The following ITPR1 variants were observed in gnomAD, a reference collection of about 807,000 sequenced individuals.
The protein encoded by ITPR1 is inositol 1,4,5-trisphosphate-gated calcium channel ITPR1.
Under a neutral mutation model 318.4 loss-of-function variants are expected in ITPR1, and 96 were observed. That is an observed-to-expected ratio of 0.30 (90% CI 0.26 to 0.36). The LOEUF (loss-of-function observed/expected upper bound fraction) is 0.36. Among genes scored for constraint, ITPR1 ranks in the 10% least tolerant of loss-of-function variants. The pLI, the probability that ITPR1 is intolerant of heterozygous loss-of-function variation, is 1.00. For missense variants in ITPR1, 2,440 were observed against 3,460.2 expected (o/e 0.71, Z 7.40); for synonymous variants, 1,312 against 1,289.9 (o/e 1.02, Z -0.37).
chr3:4,573,412 T>A lies in ITPR1; in HGVS notation c.163+52318T>A, dbSNP rs149059075. ...CTTGTCTGGACTATGATACTAGTCT[T>A]CTCACTGGTCTCCTGGTCTCAATCC... On this transcript the variant is annotated intron_variant, in intron 4 of 61. Transcript: ENST00000649015. Among the ~76,000 whole-genome samples, 832 of 152,298 alleles carry A rather than the reference T, an allele frequency of 5.5e-3. 8 individuals are homozygous for A. The highest frequency in any genetic ancestry group is 0.019 in the African/African-American group (791 of 41,554).
At chr3:4,771,492 TC>T (rs563878960) in intron 46 of ITPR1, among the ~76,000 whole-genome samples, 1 of 152,208 alleles carries the variant, frequency 6.6e-6, no homozygotes, top group South Asian at 2.1e-4. Flanking sequence ...CACACCCACT[TC>T]CTTCCACTGT....
chr3:4,593,275 A>G (rs990340227), intron 4 of ITPR1, among the ~76,000 whole-genome samples: 1 of 152,182 alleles, frequency 6.6e-6, no homozygotes, highest in Non-Finnish European at 1.5e-5. Flanking sequence ...AGTTTCGTGA[A>G]CTTAGACATG....
chr3:4,786,569 C>G (rs1020064867), intron 51 of ITPR1, among the ~76,000 whole-genome samples: 1 of 152,228 alleles, frequency 6.6e-6, no homozygotes, highest in African/African-American at 2.4e-5. Flanking sequence ...CTTCTCCAAC[C>G]TCTGAGGAGG....
chr3:4,803,134 G>T (rs774570656), intron 54 of ITPR1, among the ~76,000 whole-genome samples: 1 of 152,200 alleles, frequency 6.6e-6, no homozygotes, highest in Non-Finnish European at 1.5e-5. Context: ...AGGAGGAAGC[G>T]GATGGGGAGG....
chr3:4,620,632 G>A (rs2092590250), intron 4 of ITPR1, among the ~76,000 whole-genome samples: 1 of 149,274 alleles, frequency 6.7e-6, no homozygotes, highest in Non-Finnish European at 1.5e-5. Flanking sequence ...ATTGATTTGG[G>A]TTTTGTAGAA....
At chr3:4,576,640 G>A (rs757679126) in intron 4 of ITPR1, among the ~76,000 whole-genome samples, 3 of 152,204 alleles carry the variant, frequency 2.0e-5, no homozygotes, top group South Asian at 2.1e-4. Context: ...ATGGCAAAAC[G>A]GGTCATGGCA....
At position 4,840,123 on chromosome 3, in the gene ITPR1, C is replaced by T. The variant is rs181109643; in HGVS notation, c.8190+3188C>T. Among the ~76,000 whole-genome samples the T allele has an allele frequency of 1.3e-3, 186 of 138,124 alleles. 1 individual carries two copies. The highest frequency in any genetic ancestry group is 4.8e-3 in the African/African-American group (177 of 36,620). The allele number at this position is 138,124 out of a possible 152,430, so 90.6% of individuals were successfully genotyped here. On this transcript the variant is annotated intron_variant, in intron 61 of 61. Transcript: ENST00000649015. ...TCAGTGTTTTCTTTTGATTATGTAACGTCCTACAAACCTTTAATGCATTTG... is the reference window on the plus strand; with the variant it reads ...TCAGTGTTTTCTTTTGATTATGTAATGTCCTACAAACCTTTAATGCATTTG...
intron 4 of ITPR1, among the ~76,000 whole-genome samples, chr3:4,527,213 G>A (rs2083054453): frequency 6.6e-6 from 1 of 152,194 alleles, no homozygotes; most frequent in African/African-American, 2.4e-5. Flanking sequence ...GTCTCACTCT[G>A]TTGCCCAGGC....
chr3:4,664,753 C>G (rs1176214843), intron 16 of ITPR1, among the ~76,000 whole-genome samples: 1 of 152,224 alleles, frequency 6.6e-6, no homozygotes, highest in Non-Finnish European at 1.5e-5. Flanking sequence ...CCTTACTACA[C>G]CTCTGTGATA....
chr3:4,764,288 T>G (rs1021894876), intron 44 of ITPR1, among the ~76,000 whole-genome samples: 4 of 152,242 alleles, frequency 2.6e-5, no homozygotes, highest in Admixed American at 6.5e-5. Flanking sequence ...TTTTGGAGAT[T>G]TATTTCTGTC....
intron 10 of ITPR1, among the ~76,000 whole-genome samples, chr3:4,649,739 G>T (rs1035334402): frequency 6.6e-6 from 1 of 152,188 alleles, no homozygotes. Flanking sequence ...AGTTCTGGAG[G>T]CTGGAAATCT....
chr3:4,512,307 G>A (rs1299524097), intron 2 of ITPR1, among the ~76,000 whole-genome samples: 1 of 152,128 alleles, frequency 6.6e-6, no homozygotes, highest in East Asian at 1.9e-4. Flanking sequence ...ACAAAGAATA[G>A]GCTCTATTGC....
At chr3:4,758,811 A>G (rs2045218848) in intron 44 of ITPR1, among the ~76,000 whole-genome samples, 1 of 152,178 alleles carries the variant, frequency 6.6e-6, no homozygotes, top group Non-Finnish European at 1.5e-5. Flanking sequence ...ATCGTGGGCA[A>G]TTTACTTAAC....
At position 4,599,894 on chromosome 3, in the gene ITPR1, A is replaced by G. The variant is rs575005748; in HGVS notation, c.164-27869A>G. 2.0e-3 allele frequency among the ~76,000 whole-genome samples: 308 copies of G among 152,298 alleles called. 1 individual carries two copies. The highest frequency in any genetic ancestry group is 7.0e-3 in the South Asian group (34 of 4,828). On this transcript the variant is annotated intron_variant, in intron 4 of 61. Coordinates refer to ENST00000649015, the MANE Select transcript of ITPR1 (RefSeq NM_001378452.1). Reference sequence around the variant, plus strand: ...AGTTGTCAGTTTTGACGTATGTATGAAACCGTGAAACTCACCACAGGATAA... The same window carrying G: ...AGTTGTCAGTTTTGACGTATGTATGGAACCGTGAAACTCACCACAGGATAA...
intron 5 of ITPR1, among the ~76,000 whole-genome samples, chr3:4,634,220 C>CT (rs796689801): frequency 1.1e-3 from 157 of 148,498 alleles, no homozygotes; most frequent in African/African-American, 2.8e-3. Context: ...ATGCCTTTTT[C>CT]TTTTTTTTTT....
intron 31 of ITPR1, among the ~76,000 whole-genome samples, chr3:4,690,045 G>A (rs2094455951): frequency 1.3e-5 from 2 of 152,254 alleles, no homozygotes; most frequent in Non-Finnish European, 2.9e-5. Flanking sequence ...GGGAGGCCAA[G>A]GCAGGCGGAT....
chr3:4,509,166 C>T (rs2081613744), intron 2 of ITPR1, among the ~76,000 whole-genome samples: 1 of 152,268 alleles, frequency 6.6e-6, no homozygotes, highest in East Asian at 1.9e-4. Context: ...AAGGTTGCCC[C>T]CTTTTTTACA....
intron 35 of ITPR1, among the ~76,000 whole-genome samples, chr3:4,701,516 C>T (rs1194552563): frequency 6.6e-6 from 1 of 152,150 alleles, no homozygotes; most frequent in East Asian, 1.9e-4. Context: ...ACACAGCTTA[C>T]TATCTTGGGT....
intron 4 of ITPR1, among the ~76,000 whole-genome samples, chr3:4,622,629 G>A (rs1256625836): frequency 2.0e-5 from 3 of 151,966 alleles, no homozygotes; most frequent in African/African-American, 7.3e-5. Flanking sequence ...TCACCATGTT[G>A]GCCTCCATCT....
Sources: gnomAD v4.1 joint callset for allele counts (sites outside exome capture counted in the v4.1 genomes callset) on GRCh38, gnomAD v4.1.1 for gene constraint, MANE v1.5 for transcripts, NCBI Gene and HGNC (gene_info 2026-07-23, HGNC 2026-07-21) for gene names.